The following ERC2 variants were observed in gnomAD, a reference collection of about 807,000 sequenced individuals.
ERC2 encodes the protein ELKS/RAB6-interacting/CAST family member 2.
A neutral mutation model predicts 114.8 loss-of-function variants in ERC2; 42 were observed. The observed-to-expected ratio is 0.37, with a 90% CI of 0.29 to 0.47. The LOEUF (loss-of-function observed/expected upper bound fraction) is 0.47. Among genes scored for constraint, ERC2 ranks in the 20% least tolerant of loss-of-function variants. The pLI is 0.99. For missense variants in ERC2, 939 were observed against 1,150.7 expected (o/e 0.82, Z 2.66); for synonymous variants, 454 against 425.5 (o/e 1.07, Z -0.82).
chr3:55,644,591 T>C (rs370147229), intron 17 of ERC2, among the ~76,000 whole-genome samples: 9 of 152,262 alleles, frequency 5.9e-5, no homozygotes, highest in South Asian at 2.1e-4. Flanking sequence ...GCTGAAAATA[T>C]ATAAAGTCAT....
chr3:56,043,324 G>C (rs1415172339), intron 7 of ERC2, among the ~76,000 whole-genome samples: 2 of 152,078 alleles, frequency 1.3e-5, no homozygotes, highest in African/African-American at 4.8e-5. Context: ...AAGTACATTT[G>C]CACACATTGA....
At chr3:55,948,124 C>T (rs531300378) in intron 13 of ERC2, among the ~76,000 whole-genome samples, 2 of 152,260 alleles carry the variant, frequency 1.3e-5, no homozygotes, top group Admixed American at 6.5e-5. Context: ...ACTTTGTTTC[C>T]GACTTTCATA....
chr3:55,643,811 A>C (rs2060284490), intron 17 of ERC2, among the ~76,000 whole-genome samples: 1 of 152,234 alleles, frequency 6.6e-6, no homozygotes, highest in Non-Finnish European at 1.5e-5. Flanking sequence ...TAAAATATTT[A>C]GAGAAAAAAT....
chr3:56,289,880 C>T (rs1389626595), intron 3 of ERC2, among the ~76,000 whole-genome samples: 2 of 152,336 alleles, frequency 1.3e-5, no homozygotes, highest in Admixed American at 1.3e-4. Context: ...CTCTTGATTG[C>T]AGCTTTTGCA....
intron 2 of ERC2, among the ~76,000 whole-genome samples, chr3:56,311,243 CTCTCTCTCTCTCTATA>C (rs1302469645): frequency 1.4e-4 from 3 of 20,944 alleles, no homozygotes; most frequent in Non-Finnish European, 2.6e-4. Context: ...CTCTCTCTCT[CTCTCTCTCTCTCTATA>C]TATATATATA....
At chr3:56,187,818 T>C (rs958662791) in intron 3 of ERC2, among the ~76,000 whole-genome samples, 1 of 152,114 alleles carries the variant, frequency 6.6e-6, no homozygotes. Flanking sequence ...CTCCCAAACA[T>C]GTAGTATAAA....
At chr3:56,331,882 TAAGAAAA>T (rs1184824535) in intron 2 of ERC2, among the ~76,000 whole-genome samples, 1 of 152,152 alleles carries the variant, frequency 6.6e-6, no homozygotes, top group Admixed American at 6.5e-5. Flanking sequence ...GGCAGATGGA[TAAGAAAA>T]AGCCTCACTT....
At chr3:56,334,833 C>T (rs1436674073) in intron 2 of ERC2, among the ~76,000 whole-genome samples, 1 of 152,170 alleles carries the variant, frequency 6.6e-6, no homozygotes, top group Non-Finnish European at 1.5e-5. Flanking sequence ...GAAACAGAGT[C>T]TCACTCTGTC....
chr3:55,541,406 A>C lies in ERC2; in HGVS notation c.*40-30130T>G, dbSNP rs186965627. On this transcript the variant is annotated intron_variant, in intron 17 of 17. Coordinates refer to ENST00000288221, the MANE Select transcript of ERC2 (RefSeq NM_015576.3). ...AGGCCTTAGGTTGTCAAATCACGCC[A>C]TTGGTGCTCGCTGGGGTTTAGACCC... 2.2e-4 allele frequency among the ~76,000 whole-genome samples: 34 copies of C among 152,288 alleles called. No homozygotes were observed. The East Asian group carries it at 5.2e-3, about 23-fold the overall frequency.
At chr3:55,628,641 T>C (rs1179451991) in intron 17 of ERC2, among the ~76,000 whole-genome samples, 1 of 152,192 alleles carries the variant, frequency 6.6e-6, no homozygotes, top group African/African-American at 2.4e-5. Flanking sequence ...CCCTTCTTCC[T>C]TGGATTCCAG....
At chr3:55,544,807 G>A (rs1043115075) in intron 17 of ERC2, among the ~76,000 whole-genome samples, 9 of 152,114 alleles carry the variant, frequency 5.9e-5, no homozygotes, top group African/African-American at 9.7e-5. Context: ...TGCCTGTTAC[G>A]TGCCTGACTC....
At chr3:55,745,321 T>G (rs569093542) in intron 14 of ERC2, among the ~76,000 whole-genome samples, 1 of 152,322 alleles carries the variant, frequency 6.6e-6, no homozygotes, top group East Asian at 1.9e-4. Flanking sequence ...TTTAAGAAAC[T>G]GAGAAATGGA....
At chr3:55,592,313 G>A (rs2057930233) in intron 17 of ERC2, among the ~76,000 whole-genome samples, 1 of 152,212 alleles carries the variant, frequency 6.6e-6, no homozygotes, top group African/African-American at 2.4e-5. Flanking sequence ...GTAAGCTTCT[G>A]TTTTGAAAAT....
chr3:55,986,062 AAGGAAGG>A, intron 11 of ERC2, 74 bp from the exon 12 acceptor site: 2 of 1,391,566 alleles, frequency 1.4e-6, no homozygotes, highest in Non-Finnish European at 2.0e-6. Context: ...AAGAGAATAA[AAGGAAGG>A]AAATGCATTA....
chr3:55,997,029 G>T (rs922067673), intron 10 of ERC2, among the ~76,000 whole-genome samples: 4 of 152,138 alleles, frequency 2.6e-5, no homozygotes, highest in African/African-American at 9.7e-5. Flanking sequence ...CAGATCCCTA[G>T]AAAGGAAAGT....
At chr3:55,557,975 G>C (rs1435613841) in intron 17 of ERC2, among the ~76,000 whole-genome samples, 1 of 152,218 alleles carries the variant, frequency 6.6e-6, no homozygotes, top group Non-Finnish European at 1.5e-5. Context: ...TTGAAATTCT[G>C]GCTCCAGTGC....
intron 2 of ERC2, among the ~76,000 whole-genome samples, chr3:56,352,593 T>A (rs1003168399): frequency 6.6e-6 from 1 of 152,236 alleles, no homozygotes; most frequent in Non-Finnish European, 1.5e-5. Context: ...CATAAGGATA[T>A]TACCACAAAT....
chr3:55,607,523 G>T (rs1190789428), intron 17 of ERC2, among the ~76,000 whole-genome samples: 2 of 151,908 alleles, frequency 1.3e-5, no homozygotes, highest in African/African-American at 4.8e-5. Context: ...ATTACAGGAG[G>T]AACTGGTGCT....
chr3:56,237,278 G>A (rs977535806), intron 3 of ERC2, among the ~76,000 whole-genome samples: 3 of 152,160 alleles, frequency 2.0e-5, no homozygotes, highest in Admixed American at 6.5e-5. Flanking sequence ...GACTCCACAT[G>A]TGTTTACTGC....
Sources: gnomAD v4.1 joint callset for allele counts (sites outside exome capture counted in the v4.1 genomes callset) on GRCh38, gnomAD v4.1.1 for gene constraint, MANE v1.5 for transcripts, NCBI Gene and HGNC (gene_info 2026-07-23, HGNC 2026-07-21) for gene names.